Variants in DAB1 observed in about 807,000 individuals in gnomAD.
The protein encoded by DAB1 is DAB adaptor protein 1.
In DAB1, 15 loss-of-function variants were observed where a neutral mutation model predicts 64.6. The observed-to-expected ratio is 0.23, with a 90% CI of 0.16 to 0.36. The LOEUF is 0.36. Ranked by LOEUF, DAB1 falls within the 10% of genes least tolerant of loss-of-function variation. The pLI is 1.00. For missense variants in DAB1, 596 were observed against 706.7 expected (o/e 0.84, Z 1.78); for synonymous variants, 235 against 251.9 (o/e 0.93, Z 0.64).
intron 1 of DAB1, among the ~76,000 whole-genome samples, chr1:57,420,198 A>C (rs148818737): frequency 4.6e-5 from 7 of 152,294 alleles, no homozygotes; most frequent in African/African-American, 1.7e-4. Context: ...CTCCTATAGA[A>C]GTCTTACTAT....
chr1:57,906,273 T>G (rs1443475714), intron 5 of DAB1, among the ~76,000 whole-genome samples: 1 of 152,222 alleles, frequency 6.6e-6, no homozygotes. Context: ...CATCAGGCAC[T>G]GCTCTAAATG....
At chr1:58,364,213 G>A (rs780874774) in intron 3 of DAB1, among the ~76,000 whole-genome samples, 2 of 152,234 alleles carry the variant, frequency 1.3e-5, no homozygotes, top group Non-Finnish European at 2.9e-5. Flanking sequence ...CCCATCTGGA[G>A]CAGATACCTG....
In DAB1 at chr1:57,318,217, C is replaced by T. The variant is rs116769824; in HGVS notation, c.-136-27051G>A. ...TGATTGGTCCAGAGAGAGTGATTTG[C>T]ATACTCCCAGATCAGTTGATTGTGG... is the stretch of plus-strand genomic sequence containing the variant. On this transcript the variant is annotated intron_variant, in intron 1 of 14. Transcript: ENST00000371236. 4.9e-3 allele frequency among the ~76,000 whole-genome samples: 734 copies of T among 149,790 alleles called. 6 individuals carry two copies. Among genetic ancestry groups the T allele is most frequent in the African/African-American group, 0.016 (651 of 40,744 alleles).
At chr1:57,995,804 T>G (rs1217680682) in intron 5 of DAB1, among the ~76,000 whole-genome samples, 1 of 151,908 alleles carries the variant, frequency 6.6e-6, no homozygotes, top group Non-Finnish European at 1.5e-5. Flanking sequence ...AAATTGCTAT[T>G]GAGAGTCTCA....
intron 4 of DAB1, among the ~76,000 whole-genome samples, chr1:58,198,395 C>T (rs1021166402): frequency 7.9e-5 from 12 of 152,142 alleles, no homozygotes; most frequent in Non-Finnish European, 1.5e-4. Flanking sequence ...GGACAGGTAG[C>T]AGATAGGCAA....
At chr1:57,073,816 T>G (rs1050022564) in intron 4 of DAB1, among the ~76,000 whole-genome samples, 1 of 152,216 alleles carries the variant, frequency 6.6e-6, no homozygotes, top group Non-Finnish European at 1.5e-5. Context: ...CAGAAATATG[T>G]AATTATTCCT....
At chr1:57,237,333 C>T (rs1668166462) in intron 2 of DAB1, among the ~76,000 whole-genome samples, 1 of 152,150 alleles carries the variant, frequency 6.6e-6, no homozygotes, top group Non-Finnish European at 1.5e-5. Context: ...GGAAGCTTTA[C>T]AATTAAACAC....
chr1:57,672,892 C>T (rs1646524621), intron 6 of DAB1, among the ~76,000 whole-genome samples: 1 of 152,090 alleles, frequency 6.6e-6, no homozygotes, highest in Admixed American at 6.6e-5. Flanking sequence ...ACAGAGTTGG[C>T]AAAGATGTGA....
chr1:58,302,570 G>C (rs1373606678), intron 4 of DAB1, among the ~76,000 whole-genome samples: 2 of 151,786 alleles, frequency 1.3e-5, no homozygotes, highest in Non-Finnish European at 2.9e-5. Flanking sequence ...ACCTATATCA[G>C]GGGCTTCTAA....
chr1:57,781,120 CTCTCTCTATA>C (rs1490997055), intron 6 of DAB1, among the ~76,000 whole-genome samples: 12 of 48,312 alleles, frequency 2.5e-4, no homozygotes, highest in East Asian at 7.3e-4. Flanking sequence ...CTCTCTCTCT[CTCTCTCTATA>C]TATATATATA....
chr1:57,342,203 C>T (rs1196640538), intron 1 of DAB1, among the ~76,000 whole-genome samples: 1 of 152,170 alleles, frequency 6.6e-6, no homozygotes, highest in Non-Finnish European at 1.5e-5. Context: ...AACTTCCTTC[C>T]AACCCTTCTC....
rs1031588919 is a variant in DAB1, at chr1:57,776,706, T to A, written n.551+107293A>T. Among the ~76,000 whole-genome samples the A allele has an allele frequency of 4.6e-5, 7 of 151,836 alleles. 1 individual carries two copies. Among genetic ancestry groups the A allele is most frequent in the African/African-American group, 1.7e-4 (7 of 41,434 alleles). On this transcript the variant is annotated intron_variant and non_coding_transcript_variant, in intron 6 of 20. Transcript: ENST00000485760. ...AGATAATATTATACCATTTCACATG[T>A]AATGTAAGAATATTACAAACATATA...
At chr1:57,693,102 T>C (rs1172709338) in intron 6 of DAB1, among the ~76,000 whole-genome samples, 1 of 152,152 alleles carries the variant, frequency 6.6e-6, no homozygotes, top group Non-Finnish European at 1.5e-5. Flanking sequence ...TGAGCTCAAC[T>C]AACAACTTCT....
At chr1:57,823,132 G>A (rs970545926), downstream of DAB1, among the ~76,000 whole-genome samples, 4 of 151,810 alleles carry the variant, frequency 2.6e-5, no homozygotes, top group South Asian at 2.1e-4. Context: ...TTACAGGCAC[G>A]TGCCTTCACA....
At chr1:57,288,654 A>C (rs1364562890) in intron 2 of DAB1, among the ~76,000 whole-genome samples, 1 of 152,092 alleles carries the variant, frequency 6.6e-6, no homozygotes, top group Non-Finnish European at 1.5e-5. Flanking sequence ...CTGTTGTTTA[A>C]GCTGTCAAGT....
At chr1:58,040,683 C>T (rs1387240477) in intron 5 of DAB1, among the ~76,000 whole-genome samples, 1 of 152,160 alleles carries the variant, frequency 6.6e-6, no homozygotes, top group Non-Finnish European at 1.5e-5. Flanking sequence ...TACCACATGT[C>T]TAAATAGAAT....
chr1:58,419,511 A>T (rs1379609853), intron 3 of DAB1, among the ~76,000 whole-genome samples: 1 of 152,160 alleles, frequency 6.6e-6, no homozygotes, highest in Non-Finnish European at 1.5e-5. Context: ...TGTGAAGTAT[A>T]CTTTACTGGA....
At chr1:57,145,701 A>G (rs980286347) in intron 2 of DAB1, among the ~76,000 whole-genome samples, 1 of 152,272 alleles carries the variant, frequency 6.6e-6, no homozygotes, top group African/African-American at 2.4e-5. Context: ...GGGTATTATG[A>G]TAAATAAATC....
chr1:57,287,778 T>TTTTTA (rs1553164513), intron 2 of DAB1, among the ~76,000 whole-genome samples: 1 of 144,102 alleles, frequency 6.9e-6, no homozygotes, highest in Non-Finnish European at 1.5e-5. Flanking sequence ...TTTCTCTCTC[T>TTTTTA]TTTATTTATT....
Sources: allele counts gnomAD v4.1 joint callset (sites outside exome capture counted in the v4.1 genomes callset), GRCh38; gene constraint gnomAD v4.1.1; transcripts MANE v1.5; gene names NCBI Gene and HGNC (gene_info 2026-07-23, HGNC 2026-07-21).